Variants in TRIM73 observed in about 807,000 individuals in gnomAD.
The protein encoded by TRIM73 is tripartite motif containing 73, also known as tripartite motif-containing protein 73.
For synonymous variants in TRIM73, 8 were observed against 115.4 expected, an observed-to-expected ratio of 0.07 and a Z score of 5.97; for missense variants, 17 against 272.5, an observed-to-expected ratio of 0.06 and a Z score of 6.60.
At chr7:75,404,738 G>T (rs1789046089) in intron 3 of TRIM73, 101 bp from the exon 4 acceptor site, 9 of 474,096 alleles carry the variant, frequency 1.9e-5, no homozygotes, top group Non-Finnish European at 3.1e-5. Context: ...TCAGGTCCCA[G>T]GACCAACCCG....
At position 75,398,655 on chromosome 7, in the gene TRIM73, A is replaced by C. The variant is rs1443837821; in HGVS notation, c.-18-261A>C. On this transcript the variant is annotated intron_variant, in intron 1 of 4. Coordinates refer to ENST00000323819, the Ensembl canonical transcript of TRIM73. ...ATGGCCCCTTTCATGCTTGTCTCCA[A>C]ATTTGAGTAAAAAATGTAGACACAC... is the stretch of plus-strand genomic sequence containing the variant. Among the ~76,000 whole-genome samples, 9 of 34,780 alleles carry C rather than the reference A, an allele frequency of 2.6e-4. 3 individuals carry two copies. The highest frequency in any genetic ancestry group is 1.6e-4 in the Non-Finnish European group (2 of 12,346). The allele number at this position is 34,780 out of a possible 152,430, so 22.8% of individuals were successfully genotyped here. A position where few individuals can be genotyped will look rare whatever the true frequency, so the allele number is the denominator to read the frequency against.
At chr7:75,398,609 T>C (rs587619845) in intron 1 of TRIM73, among the ~76,000 whole-genome samples, 9 of 32,398 alleles carry the variant, frequency 2.8e-4, no homozygotes, top group African/African-American at 5.8e-4. Context: ...ATTATTAGTG[T>C]CACTGCAAAT....
At chr7:75,395,941 AG>A (rs1788851901) in intron 1 of TRIM73, 131 bp downstream of exon 1, 1 of 125,360 alleles carries the variant, frequency 8.0e-6, no homozygotes, top group African/African-American at 2.6e-5. Flanking sequence ...CGAGGCCGTC[AG>A]GGCACAGGGG....
In TRIM73 at chr7:75,397,918, T is replaced by C. The variant is rs1443583187; in HGVS notation, c.-18-998T>C. 4.5e-4 allele frequency among the ~76,000 whole-genome samples: 8 copies of C among 17,658 alleles called. 4 individuals carry two copies. The highest frequency in any genetic ancestry group is 7.0e-4 in the Non-Finnish European group (8 of 11,498). 11.6% of individuals were successfully genotyped at this position (17,658 alleles called of 152,430 possible). A position where few individuals can be genotyped will look rare whatever the true frequency, so the allele number is the denominator to read the frequency against. On this transcript the variant is annotated intron_variant, in intron 1 of 4. Coordinates refer to ENST00000323819, the Ensembl canonical transcript of TRIM73. Reference sequence around the variant, plus strand: ...TTTCCCAGCACCTATCTGCTCCTGTTGGGGTCATGAGGTGTGGACGGTGTA... The same window carrying C: ...TTTCCCAGCACCTATCTGCTCCTGTCGGGGTCATGAGGTGTGGACGGTGTA...
chr7:75,401,470 C>T (rs1294669890), intron 2 of TRIM73: 5 of 55,782 alleles, frequency 9.0e-5, no homozygotes, highest in Non-Finnish European at 1.3e-4. Context: ...TCCCAAAGTG[C>T]TGGGATTCCA....
chr7:75,401,097 G>A (rs1292421929), intron 2 of TRIM73, among the ~76,000 whole-genome samples: 1 of 6,624 alleles, frequency 1.5e-4, no homozygotes, highest in Non-Finnish European at 2.8e-4. Context: ...GTGGCCTCCC[G>A]GAAATCAGAG....
At chr7:75,402,706 GA>G (rs1273920402) in intron 2 of TRIM73, 1 of 1,198 alleles carries the variant, frequency 8.3e-4, no homozygotes, top group Admixed American at 6.3e-3. Flanking sequence ...ATTCTTTGAA[GA>G]AAAAAAAAAC....
At chr7:75,396,195 C>CT (rs1171063698) in intron 1 of TRIM73, among the ~76,000 whole-genome samples, 4 of 152,284 alleles carry the variant, frequency 2.6e-5, no homozygotes, top group Non-Finnish European at 2.9e-5. Flanking sequence ...TAGGCCCAGA[C>CT]AAGACACTGA....
At chr7:75,397,606 C>T (rs1788900038) in intron 1 of TRIM73, among the ~76,000 whole-genome samples, 1 of 53,142 alleles carries the variant, frequency 1.9e-5, no homozygotes, top group Non-Finnish European at 4.1e-5. Context: ...TGCTTGAGCC[C>T]AGAAGTTGAA....
intron 2 of TRIM73, chr7:75,402,369 C>T (rs1199781805): frequency 8.5e-6 from 1 of 117,760 alleles, no homozygotes; most frequent in Non-Finnish European, 1.8e-5. Flanking sequence ...TGGGAAGTTC[C>T]TGCTGTCAAT....
At chr7:75,405,028 C>T in exon 4 of TRIM73, 1 of 1,613,440 alleles carries the variant, frequency 6.2e-7, no homozygotes, top group Middle Eastern at 1.7e-4. Flanking sequence ...CGAGTGTGTG[C>T]TGGAACAGTT....
In TRIM73 at chr7:75,399,337, GGAGT is replaced by G; in HGVS notation, c.399+9_399+12del. The G allele has an allele frequency of 1.9e-6, 1 of 525,668 alleles. No individual in the cohort carries two copies. Among genetic ancestry groups the G allele is most frequent in the Non-Finnish European group, 3.0e-6 (1 of 329,102 alleles). 32.6% of individuals were successfully genotyped at this position (525,668 alleles called of 1,614,324 possible). ...ACCGTCTGCAGCCGCATGAAGGTGG[GGAGT>G]GAGGGTGCAGGCGGGGCGGCGGGGC... On this transcript the variant is annotated splice_donor_region_variant and intron_variant, in intron 2 of 4. Coordinates refer to ENST00000323819, the Ensembl canonical transcript of TRIM73.
At chr7:75,401,443 A>T (rs1205812488) in intron 2 of TRIM73, among the ~76,000 whole-genome samples, 2 of 70,372 alleles carry the variant, frequency 2.8e-5, no homozygotes, top group Non-Finnish European at 5.4e-5. Context: ...GCCTCAAGTG[A>T]TCCTCCCGTC....
At chr7:75,402,444 T>C (rs1584624122) in intron 2 of TRIM73, 1 of 95,422 alleles carries the variant, frequency 1.0e-5, no homozygotes, top group South Asian at 4.0e-4. Context: ...CAGGCTGGAG[T>C]GCAGTGGGCG....
intron 2 of TRIM73, among the ~76,000 whole-genome samples, chr7:75,401,167 A>G (rs1190693092): frequency 2.4e-4 from 3 of 12,342 alleles, no homozygotes; most frequent in Non-Finnish European, 2.8e-4. Context: ...AAAAGTGTTA[A>G]ATGTAGCAGT....
At chr7:75,402,625 C>T (rs1322420784) in intron 2 of TRIM73, 2 of 3,340 alleles carry the variant, frequency 6.0e-4, no homozygotes, top group Non-Finnish European at 1.3e-3. Context: ...CTCCTGACCT[C>T]GTGATCCGCC....
rs782221258 is a variant in TRIM73 at position 75,398,674 on chromosome 7, GACACACACAC to G, written c.-18-219_-18-210del. ...TCTCCAAATTTGAGTAAAAAATGTA[GACACACACAC>G]ACACACACACACACACACACACGTA... On this transcript the variant is annotated intron_variant, in intron 1 of 4. Transcript: ENST00000323819. Among the ~76,000 whole-genome samples the G allele has an allele frequency of 6.7e-3, 243 of 36,330 alleles. 30 individuals are homozygous for G. The highest frequency in any genetic ancestry group is 0.011 in the Non-Finnish European group (134 of 11,956). 23.8% of individuals were successfully genotyped at this position (36,330 alleles called of 152,430 possible). A position where few individuals can be genotyped will look rare whatever the true frequency, so the allele number is the denominator to read the frequency against.
chr7:75,395,935 G>T, intron 1 of TRIM73, 125 bp downstream of exon 1: 1 of 126,682 alleles, frequency 7.9e-6, no homozygotes, highest in Non-Finnish European at 1.7e-5. Context: ...ACATGGCGAG[G>T]CCGTCAGGGC....
At chr7:75,404,566 CCTGT>C in intron 3 of TRIM73, 1 of 124,716 alleles carries the variant, frequency 8.0e-6, no homozygotes, top group South Asian at 4.4e-5. Flanking sequence ...AGAGTGAGAC[CCTGT>C]CTGTTAAAAA....
Sources: gnomAD v4.1 joint callset for allele counts (sites outside exome capture counted in the v4.1 genomes callset) on GRCh38, gnomAD v4.1.1 for gene constraint, MANE v1.5 for transcripts, NCBI Gene and HGNC (gene_info 2026-07-23, HGNC 2026-07-21) for gene names.